The following PTPRD variants were observed in gnomAD, a reference collection of about 807,000 sequenced individuals.
PTPRD encodes the protein protein tyrosine phosphatase receptor type D.
A neutral mutation model predicts 214.5 loss-of-function variants in PTPRD; 34 were observed. That is an observed-to-expected ratio of 0.16 (90% confidence interval 0.12 to 0.21). The LOEUF (loss-of-function observed/expected upper bound fraction) is 0.21. Among genes scored for constraint, PTPRD ranks in the 10% least tolerant of loss-of-function variants. The pLI is 1.00. For synonymous variants in PTPRD, 1,128 were observed against 845.7 expected, an observed-to-expected ratio of 1.33 and a Z score of -5.79; for missense variants, 2,545 against 2,398.7, an observed-to-expected ratio of 1.06 and a Z score of -1.27.
At chr9:10,045,206 C>A (rs147785322) in intron 3 of PTPRD, among the ~76,000 whole-genome samples, 2 of 151,638 alleles carry the variant, frequency 1.3e-5, no homozygotes, top group Admixed American at 6.6e-5. Flanking sequence ...AAAGTAGTAT[C>A]CCTTTATTAA....
chr9:9,777,673 C>G (rs2821495), intron 5 of PTPRD, among the ~76,000 whole-genome samples: 67,414 of 151,688 alleles, frequency 0.44, 15,442 homozygotes, highest in East Asian at 0.7. Context: ...CTGTAGTGTG[C>G]GCAACAGAGT....
chr9:9,362,925 C>A (rs2056693102), intron 9 of PTPRD, among the ~76,000 whole-genome samples: 1 of 151,064 alleles, frequency 6.6e-6, no homozygotes, highest in Non-Finnish European at 1.5e-5. Context: ...AAAGAGTGGT[C>A]AGTGGTGGAA....
intron 8 of PTPRD, among the ~76,000 whole-genome samples, chr9:9,414,434 T>C (rs1056957564): frequency 6.6e-6 from 1 of 152,202 alleles, no homozygotes; most frequent in Non-Finnish European, 1.5e-5. Context: ...CTTAAAATTA[T>C]TGGCTACAGA....
chr9:10,571,980 G>C (rs919419446), intron 2 of PTPRD, among the ~76,000 whole-genome samples: 1 of 152,112 alleles, frequency 6.6e-6, no homozygotes, highest in Non-Finnish European at 1.5e-5. Context: ...TGCTGCCCAG[G>C]GGTTGGGGAC....
chr9:9,564,767 T>A (rs1427049563), intron 8 of PTPRD, among the ~76,000 whole-genome samples: 3 of 151,922 alleles, frequency 2.0e-5, no homozygotes, highest in Admixed American at 6.6e-5. Context: ...TCAGTGACTG[T>A]CTTTGGATTT....
At chr9:10,194,181 T>G (rs1388012828) in intron 3 of PTPRD, among the ~76,000 whole-genome samples, 2 of 152,058 alleles carry the variant, frequency 1.3e-5, no homozygotes, top group Non-Finnish European at 2.9e-5. Flanking sequence ...CCCATCGTGC[T>G]TCTCACTTTA....
At chr9:8,914,210 A>G (rs2098768670) in intron 11 of PTPRD, among the ~76,000 whole-genome samples, 1 of 152,192 alleles carries the variant, frequency 6.6e-6, no homozygotes, top group Non-Finnish European at 1.5e-5. Context: ...TGTAATAATG[A>G]TTAACAATTA....
chr9:9,311,497 G>T (rs1359001445), intron 9 of PTPRD, among the ~76,000 whole-genome samples: 1 of 152,082 alleles, frequency 6.6e-6, no homozygotes, highest in Non-Finnish European at 1.5e-5. Context: ...AGTTTTGAAG[G>T]TCTAATAATC....
Position 10,498,550 on chromosome 9 carries a change from G to T in PTPRD, c.-600+113848C>A, listed in dbSNP as rs374586883. Among the ~76,000 whole-genome samples the T allele has an allele frequency of 5.8e-4, 88 of 151,790 alleles. 1 individual carries two copies. Among genetic ancestry groups the T allele is most frequent in the African/African-American group, 2.0e-3 (84 of 41,450 alleles). Reference sequence around the variant, plus strand: ...AAATATCTCCTCAAATCTGTAAACAGAATGACAAAGAAAACTTACTTTTAA... The same window carrying T: ...AAATATCTCCTCAAATCTGTAAACATAATGACAAAGAAAACTTACTTTTAA... On this transcript the variant is annotated intron_variant, in intron 2 of 45. Transcript: ENST00000381196.
At chr9:9,161,421 CA>C (rs2099888519) in intron 10 of PTPRD, among the ~76,000 whole-genome samples, 2 of 152,044 alleles carry the variant, frequency 1.3e-5, no homozygotes, top group Non-Finnish European at 2.9e-5. Context: ...TTCTTTTACT[CA>C]TATTTTATTT....
At chr9:10,098,171 T>C (rs977366977) in intron 3 of PTPRD, among the ~76,000 whole-genome samples, 2 of 151,706 alleles carry the variant, frequency 1.3e-5, no homozygotes, top group African/African-American at 4.8e-5. Flanking sequence ...CCATAAAAAA[T>C]GATGAGTTCA....
rs1367729865 is a variant in PTPRD, at chr9:9,976,592, T to TTG, written c.-471-37983_-471-37982insCA. On this transcript the variant is annotated intron_variant, in intron 4 of 45. Coordinates refer to ENST00000381196, the MANE Select transcript of PTPRD (RefSeq NM_002839.4). ...TAGTAGAGATGGGGTTTCACCATGT[T>TTG]AGCCAGGCTGGTCTCAAAGTCCTAA... 6.8e-5 allele frequency among the ~76,000 whole-genome samples: 10 copies of TTG among 147,042 alleles called. No homozygotes were observed. The East Asian group carries it at 8.4e-4, about 12-fold the overall frequency.
Position 9,357,485 on chromosome 9 carries a change from G to A in PTPRD, c.-203+39964C>T, listed in dbSNP as rs370532473. Among the ~76,000 whole-genome samples the A allele has an allele frequency of 3.3e-4, 50 of 151,290 alleles. No individual in the cohort carries two copies. The East Asian group carries it at 9.2e-3, about 28-fold the overall frequency. On this transcript the variant is annotated intron_variant, in intron 9 of 45. Coordinates refer to ENST00000381196, the MANE Select transcript of PTPRD (RefSeq NM_002839.4). Reference sequence around the variant, plus strand: ...GGAAAGCTTGGTGAGAACTTTGAATGGCGTTAGTCACTATGCCTGGGAAAT... The same window carrying A: ...GGAAAGCTTGGTGAGAACTTTGAATAGCGTTAGTCACTATGCCTGGGAAAT...
At chr9:9,592,045 T>C (rs541267044) in intron 7 of PTPRD, among the ~76,000 whole-genome samples, 1 of 152,204 alleles carries the variant, frequency 6.6e-6, no homozygotes, top group Admixed American at 6.5e-5. Context: ...CTGATAACTT[T>C]AAATATTTGA....
At chr9:9,319,765 T>C (rs955514734) in intron 9 of PTPRD, among the ~76,000 whole-genome samples, 14 of 152,170 alleles carry the variant, frequency 9.2e-5, no homozygotes, top group African/African-American at 2.9e-4. Context: ...CTAGGAGTAG[T>C]GATAATTAAA....
At chr9:8,420,808 T>TC (rs1294567508) in intron 35 of PTPRD, among the ~76,000 whole-genome samples, 1 of 120,322 alleles carries the variant, frequency 8.3e-6, no homozygotes, top group Non-Finnish European at 1.8e-5. Context: ...TTTTTCTTTT[T>TC]TTTTTTTTTT....
At chr9:8,409,296 G>C (rs181648319) in intron 35 of PTPRD, among the ~76,000 whole-genome samples, 12 of 152,224 alleles carry the variant, frequency 7.9e-5, no homozygotes, top group Admixed American at 1.3e-4. Context: ...CAGGGAGAGA[G>C]GCCAGGCTGG....
At chr9:10,462,298 C>T (rs1316105955) in intron 2 of PTPRD, among the ~76,000 whole-genome samples, 7 of 151,958 alleles carry the variant, frequency 4.6e-5, no homozygotes, top group Admixed American at 2.6e-4. Context: ...TGGTCATTTC[C>T]TTTTTATTTG....
rs1592671494 is a variant in PTPRD, at chr9:8,521,681, A to G, written c.692-135T>C. On this transcript the variant is annotated intron_variant, in intron 19 of 45. Transcript: ENST00000381196. ...GATTGTCCAAAAACAAAACATAAAG[A>G]AAAACTGTGGATAATACAGACCATA... is the stretch of plus-strand genomic sequence containing the variant. The G allele has an allele frequency of 7.2e-6, 7 of 967,602 alleles. No individual in the cohort carries two copies. The East Asian group carries it at 1.8e-4, about 25-fold the overall frequency. 59.9% of individuals were successfully genotyped at this position (967,602 alleles called of 1,614,324 possible). A position where few individuals can be genotyped will look rare whatever the true frequency, so the allele number is the denominator to read the frequency against.
Sources: allele counts gnomAD v4.1 joint callset (sites outside exome capture counted in the v4.1 genomes callset), GRCh38; gene constraint gnomAD v4.1.1; transcripts MANE v1.5; gene names NCBI Gene and HGNC (gene_info 2026-07-23, HGNC 2026-07-21).